Variants in CD8B observed in about 807,000 individuals in gnomAD.
CD8B encodes the protein T-cell surface glycoprotein CD8 beta chain.
Under a neutral mutation model 24.2 loss-of-function variants are expected in CD8B, and 6 were observed. The ratio of observed to expected loss-of-function variants is 0.25; its 90% confidence interval spans 0.14 to 0.49. The LOEUF (loss-of-function observed/expected upper bound fraction) is 0.49, where lower values mean the gene tolerates loss of function less well. Ranked by LOEUF, CD8B falls within the 20% of genes least tolerant of loss-of-function variation. The probability of loss-of-function intolerance (pLI) is 0.98; values close to 1 mark genes in which losing one functional copy is unlikely to be tolerated. For synonymous variants in CD8B, 84 were observed against 108.3 expected (o/e 0.78, Z 1.39); for missense variants, 196 against 271.3 (o/e 0.72, Z 1.95).
At position 86,838,846 on chromosome 2, in the gene CD8B, A is replaced by G. The variant is rs2104533015; in HGVS notation, c.*3461T>C. Among the ~76,000 whole-genome samples the G allele has an allele frequency of 6.6e-6, 1 of 152,334 alleles. No individual in the cohort carries two copies. Among genetic ancestry groups the G allele is most frequent in the East Asian group, 1.9e-4 (1 of 5,186 alleles). ...AATACCAATTTTACACATTTCTACAATGTTCTGTACTTGGATTTTAAAAAG... is the reference window on the plus strand; with the variant it reads ...AATACCAATTTTACACATTTCTACAGTGTTCTGTACTTGGATTTTAAAAAG... On this transcript the variant is annotated 3_prime_UTR_variant, in exon 6 of 6. Coordinates refer to ENST00000390655, the MANE Select transcript of CD8B (RefSeq NM_004931.5).
At chr2:86,824,792 G>C (rs757169916) in intron 5 of CD8B, among the ~76,000 whole-genome samples, 6 of 152,188 alleles carry the variant, frequency 3.9e-5, no homozygotes, top group Non-Finnish European at 7.3e-5. Context: ...GCTACATCCT[G>C]CTTTTCCTTT....
chr2:86,831,695 A>G (rs1446332684), intron 5 of CD8B, among the ~76,000 whole-genome samples: 2 of 152,148 alleles, frequency 1.3e-5, no homozygotes, highest in Non-Finnish European at 2.9e-5. Flanking sequence ...ACCGCTAACC[A>G]GTAATGAAGC....
intron 4 of CD8B, among the ~76,000 whole-genome samples, chr2:86,846,377 A>G (rs2104551215): frequency 6.6e-6 from 1 of 151,818 alleles, no homozygotes; most frequent in Non-Finnish European, 1.5e-5. Context: ...ACAAACAGCA[A>G]CTCTGGGAGG....
chr2:86,817,174 A>T (rs920362214), intron 5 of CD8B, among the ~76,000 whole-genome samples: 2 of 152,214 alleles, frequency 1.3e-5, no homozygotes, highest in African/African-American at 4.8e-5. Flanking sequence ...GGAGGATATG[A>T]CCAAATAACT....
chr2:86,819,027 C>A (rs1674365421), intron 5 of CD8B, among the ~76,000 whole-genome samples: 1 of 152,144 alleles, frequency 6.6e-6, no homozygotes, highest in Non-Finnish European at 1.5e-5. Flanking sequence ...ACAAAATTCC[C>A]TTAAGCAAAA....
At chr2:86,825,764 C>T (rs965976795) in intron 5 of CD8B, among the ~76,000 whole-genome samples, 3 of 152,184 alleles carry the variant, frequency 2.0e-5, no homozygotes, top group African/African-American at 7.2e-5. Flanking sequence ...GTCTGAACAG[C>T]AGGCTCTAAG....
In CD8B at chr2:86,846,813, T is replaced by C. The variant is rs1323275990; in HGVS notation, c.494-40A>G. The C allele has an allele frequency of 2.1e-6, 3 of 1,398,116 alleles. No individual in the cohort carries two copies. In the African/African-American group the frequency reaches 4.3e-5, roughly 20 times the overall value. The allele number at this position is 1,398,116 out of a possible 1,614,324, so 86.6% of individuals were successfully genotyped here. On this transcript the variant is annotated intron_variant, in intron 3 of 5. Coordinates refer to ENST00000390655, the MANE Select transcript of CD8B (RefSeq NM_004931.5). ...TGTGACATGTGTTCAACACGGAACA[T>C]TTTTCTGCATGAGACACGCAGAAAA...
intron 5 of CD8B, chr2:86,832,884 G>A: frequency 5.7e-6 from 1 of 174,794 alleles, no homozygotes; most frequent in Non-Finnish European, 1.2e-5. Flanking sequence ...CCAGGGGAAA[G>A]TTTTTGTTTT....
At chr2:86,853,307 T>G (rs1007128572) in intron 2 of CD8B, among the ~76,000 whole-genome samples, 3 of 151,684 alleles carry the variant, frequency 2.0e-5, no homozygotes, top group African/African-American at 4.8e-5. Context: ...CCAGGCGTGG[T>G]GGCATATGCC....
chr2:86,861,855 C>CGCG lies in CD8B; in HGVS notation c.8_10dup (p.Pro3dup). On this transcript the variant is annotated inframe_insertion, in exon 1 of 6. Coordinates refer to ENST00000390655, the MANE Select transcript of CD8B (RefSeq NM_004931.5). The stretch of plus-strand genomic sequence containing the variant: ...CTGCGCGGCCAAGAGGAGCCACAGC[C>CGCG]GCGGCCGCATCGTGGCGCGCCCGGG... 7.8e-7 allele frequency: 1 copy of CGCG among 1,284,422 alleles called. No individual in the cohort carries two copies. 79.6% of individuals were successfully genotyped at this position (1,284,422 alleles called of 1,614,324 possible).
At chr2:86,827,766 A>C (rs143748517) in intron 5 of CD8B, among the ~76,000 whole-genome samples, 2 of 152,246 alleles carry the variant, frequency 1.3e-5, no homozygotes. Flanking sequence ...CTAATGGATC[A>C]GATTTTGCTA....
intron 5 of CD8B, among the ~76,000 whole-genome samples, chr2:86,829,321 G>A (rs4832053): frequency 0.25 from 37,743 of 151,680 alleles, 5,368 homozygotes; most frequent in Non-Finnish European, 0.33. Flanking sequence ...TGGCAAGGAT[G>A]GTCTTGATCT....
chr2:86,822,573 A>G (rs114490030), intron 5 of CD8B, among the ~76,000 whole-genome samples: 4,986 of 152,354 alleles, frequency 0.033, 131 homozygotes, highest in Non-Finnish European at 0.044. Context: ...ATAAACATAC[A>G]TTCAGCATGA....
chr2:86,832,675 T>C (rs1573498488), intron 5 of CD8B, among the ~76,000 whole-genome samples: 2 of 151,802 alleles, frequency 1.3e-5, no homozygotes, highest in East Asian at 3.9e-4. Context: ...AATTTACTGC[T>C]CCCTGTGTGG....
intron 5 of CD8B, 94 bp from the exon 6 acceptor site, chr2:86,842,413 G>C (rs557584373): frequency 2.8e-5 from 44 of 1,545,794 alleles, no homozygotes; most frequent in Non-Finnish European, 2.4e-5. Context: ...AGAATGCAGA[G>C]TTCTACTCCA....
chr2:86,858,902 CA>C (rs1676428302), intron 1 of CD8B, among the ~76,000 whole-genome samples: 1 of 152,214 alleles, frequency 6.6e-6, no homozygotes, highest in South Asian at 2.1e-4. Context: ...TGTACCACCA[CA>C]AAAGGATAGA....
rs1169974481 is a variant in CD8B, at chr2:86,842,032, T to A, written c.*275A>T. On this transcript the variant is annotated 3_prime_UTR_variant, in exon 6 of 6. Coordinates refer to ENST00000390655, the MANE Select transcript of CD8B (RefSeq NM_004931.5). ...GGGAAAGCACAGGAGCCGGAAGCGGTGGCATGGGCAGCATTTCTTACTCAG... is the reference window on the plus strand; with the variant it reads ...GGGAAAGCACAGGAGCCGGAAGCGGAGGCATGGGCAGCATTTCTTACTCAG... 1.5e-5 allele frequency: 18 copies of A among 1,204,466 alleles called. No individual in the cohort carries two copies. Among genetic ancestry groups the A allele is most frequent in the African/African-American group, 7.9e-5 (5 of 63,316 alleles). 74.6% of individuals were successfully genotyped at this position (1,204,466 alleles called of 1,614,324 possible). A position where few individuals can be genotyped will look rare whatever the true frequency, so the allele number is the denominator to read the frequency against.
intron 1 of CD8B, among the ~76,000 whole-genome samples, chr2:86,858,994 T>C (rs1173410526): frequency 6.6e-6 from 1 of 152,076 alleles, no homozygotes; most frequent in Non-Finnish European, 1.5e-5. Context: ...TTACAGTATG[T>C]AAGTGGCCTA....
chr2:86,856,512 T>C (rs979147290), intron 2 of CD8B, among the ~76,000 whole-genome samples: 1 of 152,066 alleles, frequency 6.6e-6, no homozygotes, highest in African/African-American at 2.4e-5. Flanking sequence ...GGGCATCACT[T>C]TGGTTTGTGT....
Sources: gnomAD v4.1 joint callset for allele counts (sites outside exome capture counted in the v4.1 genomes callset) on GRCh38, gnomAD v4.1.1 for gene constraint, MANE v1.5 for transcripts, NCBI Gene and HGNC (gene_info 2026-07-23, HGNC 2026-07-21) for gene names.